The following PACRG variants were observed in gnomAD, a reference collection of about 807,000 sequenced individuals.
PACRG encodes parkin coregulated.
A neutral mutation model predicts 29.7 loss-of-function variants in PACRG; 29 were observed. The observed-to-expected ratio is 0.98, with a 90% CI of 0.73 to 1.33. PACRG has a LOEUF of 1.33. Among genes scored for constraint, PACRG ranks in the 40% most tolerant of loss-of-function variants. The pLI is 0.00. For synonymous variants in PACRG, 116 were observed against 118.7 expected (o/e 0.98, Z 0.15); for missense variants, 279 against 316.2 (o/e 0.88, Z 0.89).
chr6:162,727,388 G>A (rs1160389162), upstream of PACRG: 7 of 489,026 alleles, frequency 1.4e-5, no homozygotes, highest in East Asian at 1.8e-4. Context: ...AGGAGCGGGG[G>A]TGCGGGGCCG....
rs12215573 is a variant in PACRG, at chr6:163,122,551, G to A, written c.613+33143G>A. 9.2e-3 allele frequency among the ~76,000 whole-genome samples: 1,403 copies of A among 152,124 alleles called. 12 individuals carry two copies. Among genetic ancestry groups the A allele is most frequent in the South Asian group, 0.018 (86 of 4,818 alleles). On this transcript the variant is annotated intron_variant, in intron 4 of 4. Transcript: ENST00000366888. ...TAAAAAAGCCTGGCACCTCCCCCTC[G>A]CTCTCTCGCTTCCTCTCTTGCCACA...
At chr6:163,180,260 C>T (rs1281268777) in intron 4 of PACRG, among the ~76,000 whole-genome samples, 1 of 152,078 alleles carries the variant, frequency 6.6e-6, no homozygotes, top group Non-Finnish European at 1.5e-5. Flanking sequence ...AGTCCCTCAC[C>T]GAGCTGATCC....
chr6:163,218,138 A>G (rs1033737641), intron 4 of PACRG, among the ~76,000 whole-genome samples: 7 of 152,202 alleles, frequency 4.6e-5, no homozygotes, highest in Middle Eastern at 6.8e-3. Flanking sequence ...CTCTTCTCCA[A>G]AAGAAAACAG....
chr6:163,054,826 C>T (rs1201348156), intron 2 of PACRG, among the ~76,000 whole-genome samples: 1 of 152,078 alleles, frequency 6.6e-6, no homozygotes, highest in African/African-American at 2.4e-5. Context: ...ATGGTGTGAA[C>T]CTGTGTGGCT....
intron 2 of PACRG, among the ~76,000 whole-genome samples, chr6:162,875,121 A>G (rs554405217): frequency 1.7e-4 from 26 of 152,278 alleles, no homozygotes; most frequent in South Asian, 4.1e-4. Context: ...TCACACATAC[A>G]TAGTCATGCA....
intron 2 of PACRG, among the ~76,000 whole-genome samples, chr6:162,829,262 G>T (rs1010236562): frequency 1.3e-5 from 2 of 152,216 alleles, no homozygotes; most frequent in Admixed American, 1.3e-4. Context: ...TGCAGGCAAG[G>T]CCTGGCCTGC....
chr6:163,306,107 C>T lies in PACRG; in HGVS notation c.614-8720C>T, dbSNP rs572749958. On this transcript the variant is annotated intron_variant, in intron 4 of 4. Coordinates refer to ENST00000366888, the MANE Select transcript of PACRG (RefSeq NM_001080379.2). ...ACCTCTCAAAACCTCAATTTTCTCCCCTGTGAAGGGGAATAATAATAGTAT... is the reference window on the plus strand; with the variant it reads ...ACCTCTCAAAACCTCAATTTTCTCCTCTGTGAAGGGGAATAATAATAGTAT... Among the ~76,000 whole-genome samples the T allele has an allele frequency of 3.9e-5, 6 of 152,280 alleles. No individual in the cohort carries two copies. In the East Asian group the frequency reaches 1.2e-3, roughly 29 times the overall value.
chr6:163,274,360 C>T (rs112817431), intron 4 of PACRG, among the ~76,000 whole-genome samples: 10,304 of 152,246 alleles, frequency 0.068, 388 homozygotes, highest in African/African-American at 0.11. Context: ...AGGACATGAA[C>T]TCATCCATTT....
At chr6:163,090,115 GTT>G (rs1388095935) in intron 4 of PACRG, among the ~76,000 whole-genome samples, 2 of 152,120 alleles carry the variant, frequency 1.3e-5, no homozygotes. Context: ...GTATCAATAA[GTT>G]AGTAATTTAA....
At chr6:162,989,089 G>A (rs557629387) in intron 2 of PACRG, among the ~76,000 whole-genome samples, 46 of 152,258 alleles carry the variant, frequency 3.0e-4, no homozygotes, top group African/African-American at 1.1e-3. Flanking sequence ...CATGAACCAA[G>A]CAATGGCAGT....
chr6:162,942,925 A>T (rs939521664), intron 2 of PACRG, among the ~76,000 whole-genome samples: 1 of 152,220 alleles, frequency 6.6e-6, no homozygotes, highest in Non-Finnish European at 1.5e-5. Flanking sequence ...CAAAGAAGTG[A>T]CAGGAAACAC....
chr6:162,741,935 G>A (rs1263382725), intron 1 of PACRG, among the ~76,000 whole-genome samples: 2 of 152,126 alleles, frequency 1.3e-5, no homozygotes, highest in Non-Finnish European at 2.9e-5. Flanking sequence ...TCTACTCTCA[G>A]TGATTTTCAA....
intron 2 of PACRG, among the ~76,000 whole-genome samples, chr6:162,971,980 C>T (rs1801569015): frequency 6.6e-6 from 1 of 152,218 alleles, no homozygotes; most frequent in African/African-American, 2.4e-5. Context: ...ACACCTGGAT[C>T]TCAGGCTCTA....
chr6:163,132,963 G>C (rs571434147), intron 4 of PACRG, among the ~76,000 whole-genome samples: 1 of 152,164 alleles, frequency 6.6e-6, no homozygotes, highest in African/African-American at 2.4e-5. Context: ...GGCTGCTTTT[G>C]TCCACATGAT....
chr6:163,248,785 C>T (rs13196593), intron 4 of PACRG, among the ~76,000 whole-genome samples: 53,636 of 151,922 alleles, frequency 0.35, 9,805 homozygotes, highest in East Asian at 0.59. Context: ...GAGGCCAAGG[C>T]GGCCAGATCA....
rs564178412 is a variant in PACRG at position 162,798,441 on chromosome 6, C to T, written c.157-15706C>T. On this transcript the variant is annotated intron_variant, in intron 1 of 4. Transcript: ENST00000366888. Reference sequence around the variant, plus strand: ...TGATCTCCATCACTCACCATATTTCCTCTCTCTCCTTCCTCCCACATAGCT... The same window carrying T: ...TGATCTCCATCACTCACCATATTTCTTCTCTCTCCTTCCTCCCACATAGCT... 3.9e-4 allele frequency among the ~76,000 whole-genome samples: 60 copies of T among 152,178 alleles called. 1 individual carries two copies. The highest frequency in any genetic ancestry group is 2.5e-3 in the Admixed American group (38 of 15,278).
chr6:163,267,849 C>G (rs1783588048), intron 4 of PACRG, among the ~76,000 whole-genome samples: 1 of 152,180 alleles, frequency 6.6e-6, no homozygotes, highest in Non-Finnish European at 1.5e-5. Flanking sequence ...CAATGGCTCA[C>G]TCTCTGATGT....
chr6:163,307,744 A>C (rs1056225526), intron 4 of PACRG, among the ~76,000 whole-genome samples: 4 of 152,240 alleles, frequency 2.6e-5, no homozygotes, highest in African/African-American at 9.6e-5. Flanking sequence ...AAGCTAAAAA[A>C]ATAGAGTGAA....
At chr6:163,309,965 A>C (rs1785347212) in intron 4 of PACRG, 1 of 152,260 alleles carries the variant, frequency 6.6e-6, no homozygotes. Context: ...GTATCAAATG[A>C]ACAACACTTC....
Sources: allele counts gnomAD v4.1 joint callset (sites outside exome capture counted in the v4.1 genomes callset), GRCh38; gene constraint gnomAD v4.1.1; transcripts MANE v1.5; gene names NCBI Gene and HGNC (gene_info 2026-07-23, HGNC 2026-07-21).